The following PPP1R13B variants were observed in gnomAD, a reference collection of about 807,000 sequenced individuals.
The protein encoded by PPP1R13B is apoptosis-stimulating of p53 protein 1.
PPP1R13B carries 44 observed loss-of-function variants against 119.8 expected under a neutral mutation model. That is an observed-to-expected ratio of 0.37 (90% confidence interval 0.29 to 0.47). The LOEUF is 0.47. Among genes scored for constraint, PPP1R13B ranks in the 20% least tolerant of loss-of-function variants. The pLI, the probability that PPP1R13B is intolerant of heterozygous loss-of-function variation, is 0.99. For synonymous variants in PPP1R13B, 542 were observed against 561.5 expected, an observed-to-expected ratio of 0.97 and a Z score of 0.49; for missense variants, 1,227 against 1,413.5, an observed-to-expected ratio of 0.87 and a Z score of 2.12.
intron 3 of PPP1R13B, 133 bp downstream of exon 3, chr14:103,784,662 A>T (rs2085415182): frequency 1.4e-6 from 1 of 707,376 alleles, no homozygotes; most frequent in Non-Finnish European, 2.0e-6. Context: ...GTAACATGGG[A>T]TACCAACTTT....
At chr14:103,761,766 AAAAAAAAAAGAAAAAG>A (rs1216474463) in intron 4 of PPP1R13B, among the ~76,000 whole-genome samples, 1 of 151,914 alleles carries the variant, frequency 6.6e-6, no homozygotes, top group African/African-American at 2.4e-5. Flanking sequence ...CCATCTCAAA[AAAAAAAAAAGAAAAAG>A]AAAAAAAAAG....
At chr14:103,789,267 G>T (rs973204220) in intron 2 of PPP1R13B, among the ~76,000 whole-genome samples, 1 of 152,064 alleles carries the variant, frequency 6.6e-6, no homozygotes, top group Non-Finnish European at 1.5e-5. Flanking sequence ...CGCCCAGGCT[G>T]GAGTGCACTG....
At chr14:103,785,577 T>C (rs974128669) in intron 2 of PPP1R13B, among the ~76,000 whole-genome samples, 1 of 146,732 alleles carries the variant, frequency 6.8e-6, no homozygotes, top group Non-Finnish European at 1.5e-5. Context: ...TGGAGTGCCA[T>C]CTCGGCTCAC....
At chr14:103,797,025 C>CA (rs1216317920) in intron 2 of PPP1R13B, among the ~76,000 whole-genome samples, 5,276 of 72,544 alleles carry the variant, frequency 0.073, 311 homozygotes, top group African/African-American at 0.2. Context: ...TCATAATAGC[C>CA]AAAAAAAAAA....
chr14:103,783,336 T>C (rs2085379608), intron 3 of PPP1R13B, among the ~76,000 whole-genome samples: 1 of 152,136 alleles, frequency 6.6e-6, no homozygotes, highest in South Asian at 2.1e-4. Flanking sequence ...CTTGGCTCAC[T>C]ACAACCTCTG....
At position 103,738,564 on chromosome 14, in the gene PPP1R13B, G is replaced by A; in HGVS notation, c.2864+115C>T. ...CTGTCTTTCAAGGATGAAATGATGGGTGTTCTTGCTCTAATTCTCTCTTCC... is the reference window on the plus strand; with the variant it reads ...CTGTCTTTCAAGGATGAAATGATGGATGTTCTTGCTCTAATTCTCTCTTCC... On this transcript the variant is annotated intron_variant, in intron 14 of 16. Coordinates refer to ENST00000202556, the MANE Select transcript of PPP1R13B (RefSeq NM_015316.3). The surrounding 1 kb of genome is among the most constrained non-coding windows in gnomAD (Gnocchi z 5.6). 1.4e-6 allele frequency: 2 copies of A among 1,455,452 alleles called. No individual in the cohort carries two copies. Among genetic ancestry groups the A allele is most frequent in the Non-Finnish European group, 1.9e-6 (2 of 1,068,996 alleles). 90.2% of individuals were successfully genotyped at this position (1,455,452 alleles called of 1,614,324 possible).
intron 4 of PPP1R13B, among the ~76,000 whole-genome samples, chr14:103,764,893 A>T (rs574019290): frequency 4.6e-5 from 7 of 152,074 alleles, no homozygotes; most frequent in South Asian, 2.1e-4. Flanking sequence ...ATCTCGGCTC[A>T]CTGCAAGCTC....
At chr14:103,827,025 C>CA (rs2086561728) in intron 1 of PPP1R13B, among the ~76,000 whole-genome samples, 2 of 143,322 alleles carry the variant, frequency 1.4e-5, no homozygotes, top group African/African-American at 2.6e-5. Flanking sequence ...AAAAAAAAGG[C>CA]AAAAAAAAGT....
chr14:103,741,668 G>T, intron 11 of PPP1R13B, 122 bp downstream of exon 11: 1 of 1,270,260 alleles, frequency 7.9e-7, no homozygotes, highest in Non-Finnish European at 1.1e-6. Context: ...GTACTTTTAT[G>T]TAAGAATTAA....
intron 2 of PPP1R13B, among the ~76,000 whole-genome samples, chr14:103,787,942 G>A (rs6576000): frequency 0.018 from 2,665 of 151,776 alleles, 89 homozygotes; most frequent in African/African-American, 0.061. Context: ...GAGCCGCCGC[G>A]CCCAGCCTCC....
intron 4 of PPP1R13B, among the ~76,000 whole-genome samples, chr14:103,766,359 T>G (rs554494773): frequency 6.6e-6 from 1 of 152,252 alleles, no homozygotes; most frequent in African/African-American, 2.4e-5. Context: ...GCTAAGGCTC[T>G]GGGCAGCTGG....
At chr14:103,786,584 G>A (rs1380020157) in intron 2 of PPP1R13B, among the ~76,000 whole-genome samples, 2 of 151,688 alleles carry the variant, frequency 1.3e-5, no homozygotes, top group African/African-American at 4.8e-5. Flanking sequence ...GGCCAACTTG[G>A]TGAAACCCTG....
intron 7 of PPP1R13B, among the ~76,000 whole-genome samples, chr14:103,750,289 C>T (rs1327070531): frequency 6.6e-6 from 1 of 152,200 alleles, no homozygotes; most frequent in African/African-American, 2.4e-5. Flanking sequence ...CATGATGCAC[C>T]TTACTGTGGA....
chr14:103,791,686 G>A (rs1567126936), intron 2 of PPP1R13B, among the ~76,000 whole-genome samples: 1 of 152,082 alleles, frequency 6.6e-6, no homozygotes, highest in Non-Finnish European at 1.5e-5. Flanking sequence ...ATCCTGCCAG[G>A]GCACTCCAGC....
intron 2 of PPP1R13B, among the ~76,000 whole-genome samples, chr14:103,796,150 G>C (rs936195871): frequency 2.0e-5 from 3 of 152,070 alleles, no homozygotes; most frequent in South Asian, 2.1e-4. Flanking sequence ...GGGCATGGTG[G>C]TGCATGCCTG....
At chr14:103,817,086 C>T (rs1007292214) in intron 1 of PPP1R13B, among the ~76,000 whole-genome samples, 6 of 152,028 alleles carry the variant, frequency 3.9e-5, no homozygotes. Context: ...TAAGCAAAAG[C>T]GAAGTGTGGA....
intron 4 of PPP1R13B, among the ~76,000 whole-genome samples, chr14:103,771,763 G>A (rs896649687): frequency 6.6e-6 from 1 of 152,150 alleles, no homozygotes; most frequent in African/African-American, 2.4e-5. Context: ...TTACAGGTGT[G>A]AGCCACTGTG....
chr14:103,746,291 T>TTGGGGGGG, intron 9 of PPP1R13B, 82 bp downstream of exon 9: 2 of 272,100 alleles, frequency 7.4e-6, no homozygotes, highest in Non-Finnish European at 1.5e-5. Flanking sequence ...CTCAGGAGCC[T>TTGGGGGGG]GCCCCACCCC....
chr14:103,808,692 G>A (rs1408099304), intron 1 of PPP1R13B, among the ~76,000 whole-genome samples: 2 of 151,982 alleles, frequency 1.3e-5, no homozygotes, highest in African/African-American at 4.8e-5. Flanking sequence ...GAAAATAAAG[G>A]TACAGTTTAG....
Sources: allele counts gnomAD v4.1 joint callset (sites outside exome capture counted in the v4.1 genomes callset), GRCh38; gene constraint gnomAD v4.1.1; non-coding constraint Gnocchi (gnomAD v3.1); transcripts MANE v1.5; gene names NCBI Gene and HGNC (gene_info 2026-07-23, HGNC 2026-07-21).